FBLN1: variants seen among roughly 807,000 people sequenced by gnomAD.
FBLN1 encodes the protein fibulin 1, also known as fibulin-1.
In FBLN1, 34 loss-of-function variants were observed where a neutral mutation model predicts 89.7. That is an observed-to-expected ratio of 0.38 (90% confidence interval 0.29 to 0.50). The LOEUF (loss-of-function observed/expected upper bound fraction) is 0.50. FBLN1 is among the 20% of genes least tolerant of loss of function. FBLN1 has a pLI of 0.92. For missense variants in FBLN1, 777 were observed against 988.1 expected (o/e 0.79, Z 2.86); for synonymous variants, 393 against 391.3 (o/e 1.00, Z -0.05).
intron 13 of FBLN1, 52 bp downstream of exon 13, chr22:45,548,796 A>G: frequency 6.2e-7 from 1 of 1,606,662 alleles, no homozygotes; most frequent in Non-Finnish European, 8.5e-7. Context: ...GGGGCCCTGC[A>G]ATGTCGTGGG....
rs528006042 is a variant in FBLN1, at chr22:45,543,279, A to C, written c.1196-122A>C. On this transcript the variant is annotated intron_variant, in intron 10 of 16. Transcript: ENST00000327858. ...AGACTCCATCTCAAAGATGAAGGAAAAAAAAGAAATGAGGCTGGAGGAGGT... is the reference window on the plus strand; with the variant it reads ...AGACTCCATCTCAAAGATGAAGGAACAAAAAGAAATGAGGCTGGAGGAGGT... 4.7e-6 allele frequency: 6 copies of C among 1,285,070 alleles called. No individual in the cohort carries two copies. In the African/African-American group the frequency reaches 8.7e-5, roughly 19 times the overall value. The allele number at this position is 1,285,070 out of a possible 1,614,324, so 79.6% of individuals were successfully genotyped here.
intron 8 of FBLN1, 118 bp downstream of exon 8, chr22:45,535,455 CT>C (rs1455330568): frequency 4.0e-5 from 50 of 1,237,600 alleles, no homozygotes. Context: ...GGTTGGCAAA[CT>C]TTTTGTGTAA....
In FBLN1 at chr22:45,572,965, G is replaced by A. The variant is rs1351708102; in HGVS notation, c.1698-1546G>A. 3.3e-5 allele frequency among the ~76,000 whole-genome samples: 5 copies of A among 152,202 alleles called. No individual in the cohort carries two copies. The highest frequency in any genetic ancestry group is 7.2e-5 in the African/African-American group (3 of 41,452). On this transcript the variant is annotated intron_variant, in intron 14 of 16. Coordinates refer to ENST00000327858, the MANE Select transcript of FBLN1 (RefSeq NM_006486.3). The surrounding 1 kb of genome is among the most constrained non-coding windows in gnomAD (Gnocchi z 5.8). ...AAGGAGGCCGGGCACGTTGGCTCACGCCTGTAATCCCAACACTTTGGGAGG... is the reference window on the plus strand; with the variant it reads ...AAGGAGGCCGGGCACGTTGGCTCACACCTGTAATCCCAACACTTTGGGAGG...
chr22:45,516,524 C>T (rs1167979287), intron 1 of FBLN1, among the ~76,000 whole-genome samples: 1 of 152,204 alleles, frequency 6.6e-6, no homozygotes, highest in African/African-American at 2.4e-5. Context: ...CATGATAACA[C>T]GGTTGTCACT....
intron 14 of FBLN1, among the ~76,000 whole-genome samples, chr22:45,554,633 G>C (rs572677692): frequency 1.3e-5 from 2 of 152,342 alleles, no homozygotes; most frequent in South Asian, 4.1e-4. Flanking sequence ...CACGAGACAT[G>C]GAAACTTAAA....
At chr22:45,541,459 C>G in intron 9 of FBLN1, 87 bp downstream of exon 9, 1 of 1,543,800 alleles carries the variant, frequency 6.5e-7, no homozygotes, top group South Asian at 1.2e-5. Context: ...GAAAGTTGAT[C>G]CCCAAAGCAA....
At chr22:45,565,306 T>C in intron 14 of FBLN1, 1 of 1,276,222 alleles carries the variant, frequency 7.8e-7, no homozygotes, top group Non-Finnish European at 1.0e-6. Flanking sequence ...CCTGGCCTGA[T>C]CTGGCCTCTG....
chr22:45,598,456 C>CGG (rs2089204414), intron 16 of FBLN1, among the ~76,000 whole-genome samples: 1 of 152,206 alleles, frequency 6.6e-6, no homozygotes, highest in Non-Finnish European at 1.5e-5. Context: ...TCATAAATGT[C>CGG]AGCACCCATA....
At position 45,530,258 on chromosome 22, in the gene FBLN1, G is replaced by T. The variant is rs1268440377; in HGVS notation, c.485-1007G>T. On this transcript the variant is annotated intron_variant, in intron 4 of 16. Coordinates refer to ENST00000327858, the MANE Select transcript of FBLN1 (RefSeq NM_006486.3). This position sits in a 1 kb window ranked among gnomAD's most constrained non-coding sequence, Gnocchi z 5.4. ...TTCCTGCTGGTGGAGGATTTCTCCTGCATCTCGGGGGTGGATTTTCACTGA... is the reference window on the plus strand; with the variant it reads ...TTCCTGCTGGTGGAGGATTTCTCCTTCATCTCGGGGGTGGATTTTCACTGA... Among the ~76,000 whole-genome samples the T allele has an allele frequency of 6.6e-6, 1 of 152,022 alleles. No homozygotes were observed. Among genetic ancestry groups the T allele is most frequent in the Non-Finnish European group, 1.5e-5 (1 of 68,010 alleles).
chr22:45,572,015 G>A lies in FBLN1; in HGVS notation c.1698-2496G>A, dbSNP rs1237946617. Among the ~76,000 whole-genome samples the A allele has an allele frequency of 6.6e-6, 1 of 152,068 alleles. No homozygotes were observed. The highest frequency in any genetic ancestry group is 2.1e-4 in the South Asian group (1 of 4,808). On this transcript the variant is annotated intron_variant, in intron 14 of 16. Coordinates refer to ENST00000327858, the MANE Select transcript of FBLN1 (RefSeq NM_006486.3). The surrounding 1 kb of genome is among the most constrained non-coding windows in gnomAD (Gnocchi z 5.8). ...GTGGTGGTGCCCGCCTGTAATCCCA[G>A]CTACTCAGGAGGCTGAGGCAGGAGA...
At chr22:45,570,355 G>GAAAA (rs56383142) in intron 14 of FBLN1, among the ~76,000 whole-genome samples, 18 of 108,588 alleles carry the variant, frequency 1.7e-4, no homozygotes, top group East Asian at 4.9e-4. Context: ...GAAAAGAAAA[G>GAAAA]AAAAAAAAAA....
chr22:45,585,220 C>A (rs9626397), intron 16 of FBLN1, among the ~76,000 whole-genome samples: 13,379 of 152,230 alleles, frequency 0.088, 772 homozygotes, highest in South Asian at 0.17. Context: ...TTGCAGTACA[C>A]AACCTGCTCA....
chr22:45,570,215 G>T (rs2088939069), intron 14 of FBLN1, among the ~76,000 whole-genome samples: 1 of 151,308 alleles, frequency 6.6e-6, no homozygotes, highest in African/African-American at 2.4e-5. Flanking sequence ...AGCTACTCAG[G>T]AGGCTGAGGC....
At chr22:45,582,536 C>A (rs1019025937) in intron 16 of FBLN1, among the ~76,000 whole-genome samples, 1 of 152,232 alleles carries the variant, frequency 6.6e-6, no homozygotes, top group African/African-American at 2.4e-5. Flanking sequence ...CTGGGACCCC[C>A]AGACCTGCCT....
In FBLN1 at chr22:45,562,765, G is replaced by A. The variant is rs1354302415; in HGVS notation, c.1698-11746G>A. The stretch of plus-strand genomic sequence containing the variant: ...TCCACGGCGCCTCCCGCAGGTGAGT[G>A]AGGTGTGCCCTTCGTGTTGGCTGAA... On this transcript the variant is annotated intron_variant, in intron 14 of 16. Coordinates refer to ENST00000327858, the MANE Select transcript of FBLN1 (RefSeq NM_006486.3). The surrounding 1 kb of genome is among the most constrained non-coding windows in gnomAD (Gnocchi z 7.8). 1 of 803,486 alleles carries A rather than the reference G, an allele frequency of 1.2e-6. No individual in the cohort carries two copies. The highest frequency in any genetic ancestry group is 2.4e-5 in the East Asian group (1 of 41,242). 49.8% of individuals were successfully genotyped at this position (803,486 alleles called of 1,614,324 possible). A position where few individuals can be genotyped will look rare whatever the true frequency, so the allele number is the denominator to read the frequency against.
At chr22:45,523,009 T>G in intron 2 of FBLN1, 1 of 593,750 alleles carries the variant, frequency 1.7e-6, no homozygotes. Flanking sequence ...GTCCGTCTGA[T>G]GGTTTGTAGG....
intron 10 of FBLN1, 107 bp from the exon 11 acceptor site, chr22:45,543,294 C>T: frequency 7.3e-7 from 1 of 1,363,340 alleles, no homozygotes; most frequent in Non-Finnish European, 1.0e-6. Context: ...AGAAATGAGG[C>T]TGGAGGAGGT....
chr22:45,563,449 G>A lies in FBLN1; in HGVS notation c.1698-11062G>A. The A allele has an allele frequency of 5.9e-6, 8 of 1,360,472 alleles. No individual in the cohort carries two copies. Among genetic ancestry groups the A allele is most frequent in the Non-Finnish European group, 7.9e-6 (8 of 1,011,406 alleles). The allele number at this position is 1,360,472 out of a possible 1,614,324, so 84.3% of individuals were successfully genotyped here. A position where few individuals can be genotyped will look rare whatever the true frequency, so the allele number is the denominator to read the frequency against. ...GTGAGCTGGGCACTGGCCACCGCCT[G>A]GTACCCCCGAGGGCTGACTGAGGAG... On this transcript the variant is annotated intron_variant, in intron 14 of 16. Transcript: ENST00000327858. This position sits in a 1 kb window ranked among gnomAD's most constrained non-coding sequence, Gnocchi z 5.7.
In FBLN1 at chr22:45,531,188, G is replaced by A. The variant is rs2088401478; in HGVS notation, c.485-77G>A. ...CATTACTGCCTGATAGTGACAAGAA[G>A]AGAGAATGTTGGGAGTTTCTTTTAA... On this transcript the variant is annotated intron_variant, in intron 4 of 16. Coordinates refer to ENST00000327858, the MANE Select transcript of FBLN1 (RefSeq NM_006486.3). The surrounding 1 kb of genome is among the most constrained non-coding windows in gnomAD (Gnocchi z 4.9). 2 of 1,267,814 alleles carry A rather than the reference G, an allele frequency of 1.6e-6. No homozygotes were observed. The highest frequency in any genetic ancestry group is 1.5e-5 in the African/African-American group (1 of 68,146). The allele number at this position is 1,267,814 out of a possible 1,614,324, so 78.5% of individuals were successfully genotyped here. A position where few individuals can be genotyped will look rare whatever the true frequency, so the allele number is the denominator to read the frequency against.
Sources: gnomAD v4.1 joint callset for allele counts (sites outside exome capture counted in the v4.1 genomes callset) on GRCh38, gnomAD v4.1.1 for gene constraint, Gnocchi (gnomAD v3.1) non-coding constraint, MANE v1.5 for transcripts, NCBI Gene and HGNC (gene_info 2026-07-23, HGNC 2026-07-21) for gene names.